GALNT17: variants seen among roughly 807,000 people sequenced by gnomAD.
The protein encoded by GALNT17 is UDP-GalNAc:polypeptide N-acetylgalactosaminyltransferase-like 3.
In GALNT17, 29 loss-of-function variants were observed where a neutral mutation model predicts 63.7. The ratio of observed to expected loss-of-function variants is 0.46; its 90% CI spans 0.34 to 0.62. The LOEUF (loss-of-function observed/expected upper bound fraction) is 0.62. Ranked by LOEUF, GALNT17 falls within the 20% of genes least tolerant of loss-of-function variation. The probability of loss-of-function intolerance (pLI) is 0.01; values close to 1 mark genes in which losing one functional copy is unlikely to be tolerated. For missense variants in GALNT17, 603 were observed against 799.6 expected (o/e 0.75, Z 2.97); for synonymous variants, 305 against 318.3 (o/e 0.96, Z 0.45).
chr7:71,484,605 A>T (rs73367513), intron 5 of GALNT17, among the ~76,000 whole-genome samples: 1 of 152,094 alleles, frequency 6.6e-6, no homozygotes, highest in Non-Finnish European at 1.5e-5. Context: ...CTATGATGTT[A>T]TGGCAGCTAC....
intron 5 of GALNT17, among the ~76,000 whole-genome samples, chr7:71,429,839 C>T (rs550813123): frequency 2.6e-5 from 4 of 152,196 alleles, no homozygotes; most frequent in Non-Finnish European, 4.4e-5. Flanking sequence ...CCCAAGTAGC[C>T]GGGATTACCA....
intron 9 of GALNT17, among the ~76,000 whole-genome samples, chr7:71,684,003 T>C (rs982803567): frequency 9.0e-5 from 8 of 88,756 alleles, no homozygotes; most frequent in Non-Finnish European, 1.6e-4. Flanking sequence ...AGCAACACTC[T>C]GTCTCAAAAA....
intron 5 of GALNT17, among the ~76,000 whole-genome samples, chr7:71,541,318 C>T (rs1175089736): frequency 1.3e-5 from 2 of 151,562 alleles, no homozygotes; most frequent in Non-Finnish European, 2.9e-5. Context: ...CTACACTTCC[C>T]GAAGCAGGTG....
chr7:71,521,297 T>C (rs1434551533), intron 5 of GALNT17, among the ~76,000 whole-genome samples: 1 of 151,984 alleles, frequency 6.6e-6, no homozygotes, highest in African/African-American at 2.4e-5. Flanking sequence ...AGACCAGGCT[T>C]AGCACATCTG....
chr7:71,453,589 CGTG>C lies in GALNT17; in HGVS notation c.962+32486_962+32488del, dbSNP rs544314782. Among the ~76,000 whole-genome samples, 10 of 152,272 alleles carry C rather than the reference CGTG, an allele frequency of 6.6e-5. No individual in the cohort carries two copies. The East Asian group carries it at 9.7e-4, about 15-fold the overall frequency. On this transcript the variant is annotated intron_variant, in intron 5 of 10. Coordinates refer to ENST00000333538, the MANE Select transcript of GALNT17 (RefSeq NM_022479.3). ...CTCCCACTGGGTCCTTCCCACAACA[CGTG>C]GGAATTATGGGAGCTACAATTCAAG... is the stretch of plus-strand genomic sequence containing the variant.
At position 71,282,424 on chromosome 7, in the gene GALNT17, G is replaced by A. The variant is rs535004586; in HGVS notation, c.239-53126G>A. Among the ~76,000 whole-genome samples, 14 of 152,354 alleles carry A rather than the reference G, an allele frequency of 9.2e-5. No individual in the cohort carries two copies. The South Asian group carries it at 2.7e-3, about 29-fold the overall frequency. On this transcript the variant is annotated intron_variant, in intron 1 of 10. Transcript: ENST00000333538. ...AGCAATGCAGAGAGAGAAGGGAAAA[G>A]GAGAGGGCCATGTTATTCTTTGCCC...
chr7:71,498,418 A>G (rs532687595), intron 5 of GALNT17, among the ~76,000 whole-genome samples: 9 of 152,224 alleles, frequency 5.9e-5, no homozygotes, highest in Middle Eastern at 3.4e-3. Context: ...GGTTGCAGTG[A>G]GCTGAGATCA....
At chr7:71,168,683 A>G (rs1381091798) in intron 1 of GALNT17, among the ~76,000 whole-genome samples, 1 of 147,414 alleles carries the variant, frequency 6.8e-6, no homozygotes, top group Non-Finnish European at 1.5e-5. Context: ...TAACACATCC[A>G]TCAGCTCACA....
rs112833580 is a variant in GALNT17 at position 71,140,978 on chromosome 7, A to G, written c.238+7938A>G. 3.2e-3 allele frequency among the ~76,000 whole-genome samples: 488 copies of G among 152,148 alleles called. 1 individual carries two copies. Among genetic ancestry groups the G allele is most frequent in the African/African-American group, 0.011 (460 of 41,534 alleles). On this transcript the variant is annotated intron_variant, in intron 1 of 10. Transcript: ENST00000333538. ...CGAGGCTTCAGTGAGCCATGATTGC[A>G]TCACTGCACTCCATCCATCCTGGGT... is the stretch of plus-strand genomic sequence containing the variant.
chr7:71,434,830 A>T (rs1054509189), intron 5 of GALNT17, among the ~76,000 whole-genome samples: 1 of 152,190 alleles, frequency 6.6e-6, no homozygotes, highest in Admixed American at 6.6e-5. Flanking sequence ...GTAGATAATT[A>T]ATGTTTCAGT....
intron 1 of GALNT17, among the ~76,000 whole-genome samples, chr7:71,279,911 T>C (rs1790749363): frequency 1.3e-5 from 2 of 151,994 alleles, no homozygotes; most frequent in South Asian, 4.1e-4. Context: ...TTATACCTTT[T>C]ATCAAAATCA....
intron 6 of GALNT17, among the ~76,000 whole-genome samples, chr7:71,661,105 G>T (rs1790901417): frequency 6.6e-6 from 1 of 152,174 alleles, no homozygotes; most frequent in Non-Finnish European, 1.5e-5. Context: ...GCTCACTGTG[G>T]TTACAATGCA....
chr7:71,661,108 A>G (rs1440248569), intron 6 of GALNT17, among the ~76,000 whole-genome samples: 1 of 152,182 alleles, frequency 6.6e-6, no homozygotes, highest in Non-Finnish European at 1.5e-5. Context: ...CACTGTGGTT[A>G]CAATGCAGGT....
intron 2 of GALNT17, among the ~76,000 whole-genome samples, chr7:71,358,049 A>G (rs927828249): frequency 2.0e-5 from 3 of 152,212 alleles, no homozygotes; most frequent in Non-Finnish European, 2.9e-5. Flanking sequence ...GTCCCCTTCC[A>G]TGCTGTGGAA....
At chr7:71,592,373 T>A (rs1248303160) in intron 6 of GALNT17, among the ~76,000 whole-genome samples, 1 of 151,966 alleles carries the variant, frequency 6.6e-6, no homozygotes, top group Non-Finnish European at 1.5e-5. Context: ...CAAGTGCCTG[T>A]AATCCCAGCT....
chr7:71,174,456 G>A (rs982818817), intron 1 of GALNT17, among the ~76,000 whole-genome samples: 2 of 152,214 alleles, frequency 1.3e-5, no homozygotes, highest in South Asian at 2.1e-4. Context: ...TGTGTCTCAC[G>A]TGTCCGTGTG....
At position 71,420,927 on chromosome 7, in the gene GALNT17, C is replaced by G. The variant is rs764931976; in HGVS notation, c.784C>G (p.Arg262Gly). 1 of 1,614,018 alleles carries G rather than the reference C, an allele frequency of 6.2e-7. No individual in the cohort carries two copies. Among genetic ancestry groups the G allele is most frequent in the South Asian group, 1.1e-5 (1 of 91,082 alleles). The change falls in exon 5 of 11, where the codon CGC becomes GGC. Residue 262 changes from arginine to glycine, a missense_variant. Arg to Gly is a moderately radical substitution (Grantham distance 125, BLOSUM62 -2). Around this residue, in one of 3 missense-constraint regions of GALNT17, gnomAD observed 336 missense variants for 507.8 expected, o/e 0.66. Coordinates refer to ENST00000333538, the MANE Select transcript of GALNT17 (RefSeq NM_022479.3). ...TAGWAEPVLS[R>G]IQENRKRVIL... is the part of the protein sequence containing the mutation. The stretch of plus-strand genomic sequence containing the variant: ...TTTCAGGGCTGAGCCGGTTCTATCC[C>G]GCATCCAGGAAAACCGGAAGCGTGT...
chr7:71,664,985 T>G (rs894505187), intron 6 of GALNT17, among the ~76,000 whole-genome samples: 2 of 152,174 alleles, frequency 1.3e-5, no homozygotes, highest in African/African-American at 4.8e-5. Flanking sequence ...ATTTATTTAT[T>G]TATTTGTTTA....
rs199548314 is a variant in GALNT17 at position 71,438,885 on chromosome 7, CT to C, written c.962+17796del. Among the ~76,000 whole-genome samples the C allele has an allele frequency of 6.0e-3, 822 of 138,068 alleles. 1 individual carries two copies. The highest frequency in any genetic ancestry group is 0.01 in the African/African-American group (393 of 37,788). The allele number at this position is 138,068 out of a possible 152,430, so 90.6% of individuals were successfully genotyped here. A position where few individuals can be genotyped will look rare whatever the true frequency, so the allele number is the denominator to read the frequency against. On this transcript the variant is annotated intron_variant, in intron 5 of 10. Transcript: ENST00000333538. ...ACTCTGGTCGCTAATAAAAGATAGA[CT>C]TTTTTTTTTTTTTTTGGAGACAAGG... is the stretch of plus-strand genomic sequence containing the variant.
Sources: allele counts gnomAD v4.1 joint callset (sites outside exome capture counted in the v4.1 genomes callset), GRCh38; gene constraint gnomAD v4.1.1; regional missense constraint gnomAD v4.1.1; transcripts MANE v1.5; gene names NCBI Gene and HGNC (gene_info 2026-07-23, HGNC 2026-07-21).